OTUD7A: variants seen among roughly 807,000 people sequenced by gnomAD.
OTUD7A encodes the protein OTU domain-containing protein 7A.
A neutral mutation model predicts 65.7 loss-of-function variants in OTUD7A; 12 were observed. That is an observed-to-expected ratio of 0.18 (90% CI 0.12 to 0.30). The LOEUF is 0.30. OTUD7A is among the 10% of genes least tolerant of loss of function. OTUD7A has a pLI of 1.00. For synonymous variants in OTUD7A, 641 were observed against 586.3 expected, an observed-to-expected ratio of 1.09 and a Z score of -1.35; for missense variants, 1,148 against 1,304.8, an observed-to-expected ratio of 0.88 and a Z score of 1.85.
chr15:31,842,167 C>T (rs567772165), intron 1 of OTUD7A, among the ~76,000 whole-genome samples: 5 of 152,362 alleles, frequency 3.3e-5, no homozygotes, highest in South Asian at 2.1e-4. Flanking sequence ...GTCCCACATA[C>T]ATAAAGCACA....
intron 1 of OTUD7A, among the ~76,000 whole-genome samples, chr15:31,662,243 T>C (rs4041949): frequency 0.31 from 46,550 of 152,068 alleles, 8,343 homozygotes; most frequent in African/African-American, 0.49. Flanking sequence ...TAAAGGGAAA[T>C]TTCTACTAAT....
chr15:31,624,315 A>G (rs1890887256), intron 3 of OTUD7A, among the ~76,000 whole-genome samples: 1 of 152,276 alleles, frequency 6.6e-6, no homozygotes, highest in African/African-American at 2.4e-5. Flanking sequence ...AAAAGCTGCA[A>G]GATTGCAAGG....
At chr15:31,824,172 C>T (rs563891871) in intron 1 of OTUD7A, among the ~76,000 whole-genome samples, 86 of 152,194 alleles carry the variant, frequency 5.7e-4, no homozygotes, top group Non-Finnish European at 1.1e-3. Flanking sequence ...GGAACAGACT[C>T]CTTCATGCTC....
intron 7 of OTUD7A, among the ~76,000 whole-genome samples, 165 bp from the exon 8 acceptor site, chr15:31,526,626 A>C (rs1392077052): frequency 6.6e-6 from 1 of 152,206 alleles, no homozygotes; most frequent in Admixed American, 6.5e-5. Context: ...TTTGCTATGC[A>C]CAATATATTT....
At chr15:31,822,342 C>T (rs1259184922) in intron 1 of OTUD7A, among the ~76,000 whole-genome samples, 1 of 152,196 alleles carries the variant, frequency 6.6e-6, no homozygotes, top group Non-Finnish European at 1.5e-5. Flanking sequence ...CCCAGCTGCA[C>T]CTGACTGGGA....
At chr15:31,737,659 T>C (rs767218421) in intron 1 of OTUD7A, among the ~76,000 whole-genome samples, 3 of 152,232 alleles carry the variant, frequency 2.0e-5, no homozygotes, top group Non-Finnish European at 4.4e-5. Context: ...CAGGAGTATA[T>C]TAGAAAGTGT....
chr15:31,618,589 G>A (rs557187648), intron 3 of OTUD7A, among the ~76,000 whole-genome samples: 35 of 152,248 alleles, frequency 2.3e-4, no homozygotes, highest in East Asian at 1.9e-4. Context: ...TTTGAGAAGC[G>A]TCTGTTCATA....
intron 3 of OTUD7A, among the ~76,000 whole-genome samples, chr15:31,602,983 G>A (rs1273008971): frequency 6.6e-6 from 1 of 152,140 alleles, no homozygotes; most frequent in Non-Finnish European, 1.5e-5. Context: ...CTCATGGATA[G>A]GAAGAAACAA....
chr15:31,498,715 G>T lies in OTUD7A; in HGVS notation c.1171+2975C>A, dbSNP rs16956787. Reference sequence around the variant, plus strand: ...AAGCTGAAGGCCCAAGGCTCAGGTTGTCAGGGAGCAAATGACTAATGTCCT... The same window carrying T: ...AAGCTGAAGGCCCAAGGCTCAGGTTTTCAGGGAGCAAATGACTAATGTCCT... On this transcript the variant is annotated intron_variant, in intron 10 of 12. Transcript: ENST00000307050. This position sits in a 1 kb window ranked among gnomAD's most constrained non-coding sequence, Gnocchi z 4.2. Among the ~76,000 whole-genome samples the T allele has an allele frequency of 0.014, 2,203 of 152,306 alleles. 59 individuals carry two copies. Among genetic ancestry groups the T allele is most frequent in the African/African-American group, 0.051 (2,102 of 41,550 alleles).
intron 5 of OTUD7A, among the ~76,000 whole-genome samples, chr15:31,544,310 T>A (rs1888068501): frequency 6.6e-6 from 1 of 151,682 alleles, no homozygotes. Context: ...AATGAATTAA[T>A]CATCCATGTT....
intron 1 of OTUD7A, among the ~76,000 whole-genome samples, chr15:31,828,366 G>T (rs1372137250): frequency 6.6e-6 from 1 of 151,872 alleles, no homozygotes; most frequent in African/African-American, 2.4e-5. Context: ...TTTCTGGAGT[G>T]CAATGTAATG....
chr15:31,562,466 C>A (rs545804470), intron 4 of OTUD7A, among the ~76,000 whole-genome samples: 2 of 152,164 alleles, frequency 1.3e-5, no homozygotes, highest in East Asian at 3.8e-4. Context: ...CCCTGCCCTG[C>A]CTTCCCATAG....
chr15:31,683,085 A>AG (rs1351845106), intron 1 of OTUD7A, among the ~76,000 whole-genome samples: 4 of 152,234 alleles, frequency 2.6e-5, no homozygotes, highest in Non-Finnish European at 4.4e-5. Context: ...TTAAGAAAAA[A>AG]TAATTTAGAT....
Position 31,476,738 on chromosome 15 carries a change from A to C in OTUD7A, c.*6556T>G, listed in dbSNP as rs2041026606. 6.6e-6 allele frequency: 1 copy of C among 152,292 alleles called. No individual in the cohort carries two copies. Among genetic ancestry groups the C allele is most frequent in the African/African-American group, 2.4e-5 (1 of 41,478 alleles). The allele number at this position is 152,292 out of a possible 1,614,324, so 9.4% of individuals were successfully genotyped here. A position where few individuals can be genotyped will look rare whatever the true frequency, so the allele number is the denominator to read the frequency against. ...AGAGAAATGACAGCAAAACCACGGAAGTGGATTAAACAGGAGGACAAAGCC... is the reference window on the plus strand; with the variant it reads ...AGAGAAATGACAGCAAAACCACGGACGTGGATTAAACAGGAGGACAAAGCC... On this transcript the variant is annotated 3_prime_UTR_variant, in exon 13 of 13. Coordinates refer to ENST00000307050, the MANE Select transcript of OTUD7A (RefSeq NM_001382637.1).
At chr15:31,869,104 GCTTA>G (rs1217859465) in intron 1 of OTUD7A, among the ~76,000 whole-genome samples, 1 of 152,234 alleles carries the variant, frequency 6.6e-6, no homozygotes, top group Admixed American at 6.5e-5. Context: ...TTGGGAACTT[GCTTA>G]GTTTTGTTCC....
chr15:31,661,219 T>G (rs1352629602), intron 1 of OTUD7A, among the ~76,000 whole-genome samples: 1 of 152,252 alleles, frequency 6.6e-6, no homozygotes. Context: ...TGTATAACTT[T>G]GGGAATAGCA....
chr15:31,844,483 T>A (rs1417867643), intron 1 of OTUD7A, among the ~76,000 whole-genome samples: 5 of 152,148 alleles, frequency 3.3e-5, no homozygotes, highest in African/African-American at 1.2e-4. Flanking sequence ...GGTGACAGAG[T>A]GAGACTCCGT....
intron 3 of OTUD7A, among the ~76,000 whole-genome samples, chr15:31,610,617 A>ATATATATATATATATATATTTTTTTTTT: frequency 3.3e-5 from 1 of 30,560 alleles, no homozygotes; most frequent in Non-Finnish European, 4.9e-5. Flanking sequence ...ATATATATAT[A>ATATATATATATATATATATTTTTTTTTT]TTTTTTTTTT....
At chr15:31,517,900 A>T (rs1178694881) in intron 8 of OTUD7A, among the ~76,000 whole-genome samples, 1 of 152,122 alleles carries the variant, frequency 6.6e-6, no homozygotes, top group Non-Finnish European at 1.5e-5. Context: ...CGTGTCATAG[A>T]TAAGGAAGCC....
Sources: allele counts gnomAD v4.1 joint callset (sites outside exome capture counted in the v4.1 genomes callset), GRCh38; gene constraint gnomAD v4.1.1; non-coding constraint Gnocchi (gnomAD v3.1); transcripts MANE v1.5; gene names NCBI Gene and HGNC (gene_info 2026-07-23, HGNC 2026-07-21).